The following UBE2W variants were observed in gnomAD, a reference collection of about 807,000 sequenced individuals.
UBE2W encodes ubiquitin conjugating enzyme E2 W.
Under a neutral mutation model 27.2 loss-of-function variants are expected in UBE2W, and 18 were observed. The observed-to-expected ratio is 0.66, with a 90% CI of 0.46 to 0.98. UBE2W has a LOEUF of 0.98. Ranked by LOEUF, UBE2W falls within the 50% of genes least tolerant of loss-of-function variation. The pLI is 0.00. For synonymous variants in UBE2W, 53 were observed against 57.2 expected, an observed-to-expected ratio of 0.93 and a Z score of 0.33; for missense variants, 90 against 180.2, an observed-to-expected ratio of 0.50 and a Z score of 2.87.
At chr8:73,874,564 T>A (rs1344283569) in intron 1 of UBE2W, among the ~76,000 whole-genome samples, 1 of 152,224 alleles carries the variant, frequency 6.6e-6, no homozygotes, top group Non-Finnish European at 1.5e-5. Context: ...CACATAAAAA[T>A]TCACTTCAAT....
rs71269958 is a variant in UBE2W, at chr8:73,866,290, AATAT to A, written c.15+12514_15+12517del. 3.2e-3 allele frequency among the ~76,000 whole-genome samples: 136 copies of A among 43,086 alleles called. 1 individual carries two copies. The highest frequency in any genetic ancestry group is 6.0e-3 in the East Asian group (10 of 1,674). The allele number at this position is 43,086 out of a possible 152,430, so 28.3% of individuals were successfully genotyped here. A position where few individuals can be genotyped will look rare whatever the true frequency, so the allele number is the denominator to read the frequency against. On this transcript the variant is annotated intron_variant, in intron 1 of 5. Coordinates refer to ENST00000602593, the MANE Select transcript of UBE2W (RefSeq NM_018299.6). ...GTCTAAAAAAAAAAAAAAAAAAAAA[AATAT>A]ATATATATATATATATATATATATA...
At chr8:73,866,290 A>AATATATATATATATAT (rs71269958) in intron 1 of UBE2W, among the ~76,000 whole-genome samples, 26 of 43,076 alleles carry the variant, frequency 6.0e-4, no homozygotes, top group South Asian at 2.3e-3. Context: ...AAAAAAAAAA[A>AATATATATATATATAT]ATATATATAT....
At chr8:73,821,555 G>T (rs1192202868) in intron 3 of UBE2W, among the ~76,000 whole-genome samples, 1 of 68,520 alleles carries the variant, frequency 1.5e-5, no homozygotes, top group Non-Finnish European at 3.0e-5. Context: ...GAGTGTGTGT[G>T]TGGGGGGGGG....
At chr8:73,834,221 C>A (rs866254492) in intron 1 of UBE2W, among the ~76,000 whole-genome samples, 10 of 152,180 alleles carry the variant, frequency 6.6e-5, no homozygotes, top group African/African-American at 2.2e-4. Context: ...TCCAACACCA[C>A]TACAGATAGA....
chr8:73,860,287 T>C (rs1302596317), intron 1 of UBE2W, among the ~76,000 whole-genome samples: 1 of 152,212 alleles, frequency 6.6e-6, no homozygotes, highest in African/African-American at 2.4e-5. Flanking sequence ...AATTTTCCTT[T>C]TCAACCCAAT....
intron 2 of UBE2W, among the ~76,000 whole-genome samples, chr8:73,826,157 T>C (rs756879164): frequency 5.3e-5 from 8 of 152,234 alleles, no homozygotes; most frequent in Non-Finnish European, 1.2e-4. Flanking sequence ...ATGTTTCAAT[T>C]GTTTAATAAA....
In UBE2W at chr8:73,792,700, T is replaced by C. The variant is rs1288402011; in HGVS notation, c.*1402A>G. 5 of 984,842 alleles carry C rather than the reference T, an allele frequency of 5.1e-6. No homozygotes were observed. Among genetic ancestry groups the C allele is most frequent in the Non-Finnish European group, 6.0e-6 (5 of 829,128 alleles). 61.0% of individuals were successfully genotyped at this position (984,842 alleles called of 1,614,324 possible). On this transcript the variant is annotated 3_prime_UTR_variant, in exon 6 of 6. Coordinates refer to ENST00000602593, the MANE Select transcript of UBE2W (RefSeq NM_018299.6). The stretch of plus-strand genomic sequence containing the variant: ...AACAGATTTTGCATATGTGAAAAGG[T>C]AATTTATAAAATACATTAATCACTT...
chr8:73,818,647 A>G (rs904532276), intron 3 of UBE2W, among the ~76,000 whole-genome samples: 22 of 152,104 alleles, frequency 1.4e-4, no homozygotes, highest in Non-Finnish European at 7.4e-5. Context: ...GTAACCCCCA[A>G]TGTTGGAGGT....
intron 1 of UBE2W, among the ~76,000 whole-genome samples, chr8:73,850,337 T>C (rs1015231027): frequency 3.3e-5 from 5 of 152,132 alleles, no homozygotes; most frequent in African/African-American, 1.2e-4. Flanking sequence ...GATGGCATTA[T>C]CTAGTAAAAC....
Position 73,792,414 on chromosome 8 carries a change from C to T in UBE2W, c.*1688G>A. ...GAAGTCTACCCACCCCTGAGTTCAG[C>T]AATTATACTTTGAGTGTAAAATTAT... On this transcript the variant is annotated 3_prime_UTR_variant, in exon 6 of 6. Transcript: ENST00000602593. 2.0e-6 allele frequency: 2 copies of T among 985,378 alleles called. No individual in the cohort carries two copies. The highest frequency in any genetic ancestry group is 2.4e-6 in the Non-Finnish European group (2 of 829,768). The allele number at this position is 985,378 out of a possible 1,614,324, so 61.0% of individuals were successfully genotyped here. A position where few individuals can be genotyped will look rare whatever the true frequency, so the allele number is the denominator to read the frequency against.
chr8:73,851,049 C>A (rs1443406134), intron 1 of UBE2W, among the ~76,000 whole-genome samples: 1 of 151,870 alleles, frequency 6.6e-6, no homozygotes, highest in Non-Finnish European at 1.5e-5. Context: ...TAGGATTGCG[C>A]CATGTTGCCC....
rs371561724 is a variant in UBE2W at position 73,810,740 on chromosome 8, A to C, written c.211-111T>G. The C allele has an allele frequency of 1.9e-4, 146 of 775,300 alleles. 2 individuals carry two copies. The South Asian group carries it at 3.6e-3, about 19-fold the overall frequency. 48.0% of individuals were successfully genotyped at this position (775,300 alleles called of 1,614,324 possible). A position where few individuals can be genotyped will look rare whatever the true frequency, so the allele number is the denominator to read the frequency against. On this transcript the variant is annotated intron_variant, in intron 3 of 5. Coordinates refer to ENST00000602593, the MANE Select transcript of UBE2W (RefSeq NM_018299.6). ...TATAAAAAAACAAAAAACCACCAAA[A>C]TCAGTGCCAGGAACATGATAAACAA...
intron 1 of UBE2W, chr8:73,870,170 G>T (rs1811943761): frequency 8.2e-7 from 1 of 1,215,418 alleles, no homozygotes; most frequent in Non-Finnish European, 1.2e-6. Flanking sequence ...AGAAAAAATT[G>T]TGCATTAAAA....
At chr8:73,834,540 G>C (rs1810224646) in intron 1 of UBE2W, among the ~76,000 whole-genome samples, 2 of 152,186 alleles carry the variant, frequency 1.3e-5, no homozygotes, top group African/African-American at 4.8e-5. Flanking sequence ...TACTCAGGGG[G>C]CTGAGGCAGG....
chr8:73,800,556 G>C (rs1339872339), intron 5 of UBE2W, among the ~76,000 whole-genome samples: 1 of 152,160 alleles, frequency 6.6e-6, no homozygotes, highest in Non-Finnish European at 1.5e-5. Flanking sequence ...TGCATTGGGG[G>C]AGCGGGGAGA....
At chr8:73,877,636 AAC>A (rs1812287446) in intron 1 of UBE2W, among the ~76,000 whole-genome samples, 1 of 152,172 alleles carries the variant, frequency 6.6e-6, no homozygotes, top group Non-Finnish European at 1.5e-5. Flanking sequence ...AAAAGCAAAA[AAC>A]ACTTCTAAGA....
Position 73,844,572 on chromosome 8 carries a change from G to A in UBE2W, c.16-14100C>T, listed in dbSNP as rs374340078. Among the ~76,000 whole-genome samples the A allele has an allele frequency of 1.8e-4, 28 of 151,702 alleles. No homozygotes were observed. In the South Asian group the frequency reaches 5.6e-3, roughly 31 times the overall value. On this transcript the variant is annotated intron_variant, in intron 1 of 5. Transcript: ENST00000602593. ...GCAGCCTCTGCCCGGCCGCCACCCC[G>A]TCTAGGAAGTGAGGAGCGTCTCTGC...
rs1278739811 is a variant in UBE2W, at chr8:73,791,904, T to A, written c.*2198A>T. On this transcript the variant is annotated 3_prime_UTR_variant, in exon 6 of 6. Transcript: ENST00000602593. ...ATGTTAAAATATTGTCATAAAAAAC[T>A]CAATTGAGGCTATATATGACCTATT... 1.2e-5 allele frequency: 12 copies of A among 984,758 alleles called. No homozygotes were observed. In the African/African-American group the frequency reaches 2.1e-4, roughly 17 times the overall value. The allele number at this position is 984,758 out of a possible 1,614,324, so 61.0% of individuals were successfully genotyped here. A position where few individuals can be genotyped will look rare whatever the true frequency, so the allele number is the denominator to read the frequency against.
rs1466786214 is a variant in UBE2W, at chr8:73,870,249, G to A, written c.15+8559C>T. ...AATTCTCAAGTTTTGAAGAGGATTGGCAAAAAAACACACACTTACTGGAAA... is the reference window on the plus strand; with the variant it reads ...AATTCTCAAGTTTTGAAGAGGATTGACAAAAAAACACACACTTACTGGAAA... On this transcript the variant is annotated intron_variant, in intron 1 of 5. Transcript: ENST00000602593. 8 of 1,581,848 alleles carry A rather than the reference G, an allele frequency of 5.1e-6. No individual in the cohort carries two copies. The South Asian group carries it at 9.3e-5, about 18-fold the overall frequency.
Sources: gnomAD v4.1 joint callset for allele counts (sites outside exome capture counted in the v4.1 genomes callset) on GRCh38, gnomAD v4.1.1 for gene constraint, MANE v1.5 for transcripts, NCBI Gene and HGNC (gene_info 2026-07-23, HGNC 2026-07-21) for gene names.